DMXL1: variants seen among roughly 807,000 people sequenced by gnomAD.
DMXL1 encodes the protein dmX-like protein 1.
A neutral mutation model predicts 319.2 loss-of-function variants in DMXL1; 99 were observed. The ratio of observed to expected loss-of-function variants is 0.31; its 90% confidence interval spans 0.26 to 0.37. DMXL1 has a LOEUF of 0.37. Ranked by LOEUF, DMXL1 falls within the 10% of genes least tolerant of loss-of-function variation. The pLI, the probability that DMXL1 is intolerant of heterozygous loss-of-function variation, is 1.00. For missense variants in DMXL1, 3,745 were observed against 3,595.6 expected, an observed-to-expected ratio of 1.04 and a Z score of -1.06; for synonymous variants, 1,385 against 1,235.2, an observed-to-expected ratio of 1.12 and a Z score of -2.54.
intron 24 of DMXL1, 33 bp downstream of exon 24, chr5:119,171,313 C>T: frequency 6.5e-7 from 1 of 1,543,310 alleles, no homozygotes; most frequent in East Asian, 2.3e-5. Context: ...AAAAATGGTA[C>T]ATGTCTAAAA....
rs1756378035 is a variant in DMXL1, at chr5:119,097,995, G to A, written c.104G>A (p.Cys35Tyr). 4 of 1,604,986 alleles carry A rather than the reference G, an allele frequency of 2.5e-6. No homozygotes were observed. The highest frequency in any genetic ancestry group is 2.5e-6 in the Non-Finnish European group (3 of 1,177,180). The change falls in exon 2 of 44, where the codon TGT (cysteine) becomes TAT (tyrosine). Residue 35 changes from cysteine to tyrosine, a missense_variant. Transcript: ENST00000539542. The part of the protein sequence containing the change: ...DQRFTAYASG[C>Y]DIVILGSDFE... ...TTTTTTTAGGCTTATGCATCTGGATGTGACATTGTAATACTGGGAAGCGAT... is the reference window on the plus strand; with the variant it reads ...TTTTTTTAGGCTTATGCATCTGGATATGACATTGTAATACTGGGAAGCGAT...
rs1346753331 is a variant in DMXL1 at position 119,247,735 on chromosome 5, G to A, written c.*516G>A. On this transcript the variant is annotated 3_prime_UTR_variant, in exon 44 of 44. Transcript: ENST00000539542. ...TGTCATTGAGACGTCAGTGATAAAT[G>A]AGCTAGATGGCTCAATATGTAAGGT... 1 of 152,860 alleles carries A rather than the reference G, an allele frequency of 6.5e-6. No individual in the cohort carries two copies. Among genetic ancestry groups the A allele is most frequent in the East Asian group, 1.9e-4 (1 of 5,222 alleles). The allele number at this position is 152,860 out of a possible 1,614,324, so 9.5% of individuals were successfully genotyped here.
intron 35 of DMXL1, among the ~76,000 whole-genome samples, chr5:119,218,504 T>C (rs2150565222): frequency 6.6e-6 from 1 of 152,330 alleles, no homozygotes; most frequent in African/African-American, 2.4e-5. Flanking sequence ...TTGCCCAGGC[T>C]GGAGTGCAGT....
Position 119,161,049 on chromosome 5 carries a change from C to T in DMXL1, c.4703-3458C>T, listed in dbSNP as rs1405356784. Among the ~76,000 whole-genome samples, 6 of 152,136 alleles carry T rather than the reference C, an allele frequency of 3.9e-5. No homozygotes were observed. The East Asian group carries it at 9.6e-4, about 24-fold the overall frequency. On this transcript the variant is annotated intron_variant, in intron 19 of 43. Transcript: ENST00000539542. Reference sequence around the variant, plus strand: ...TGATTCCCTGATTCTTCACCATTCTCGTGTATTTGCTTTGGGGTCTGCTCA... The same window carrying T: ...TGATTCCCTGATTCTTCACCATTCTTGTGTATTTGCTTTGGGGTCTGCTCA...
chr5:119,104,027 G>C (rs1286569295), intron 3 of DMXL1: 4 of 152,202 alleles, frequency 2.6e-5, no homozygotes, highest in Non-Finnish European at 5.9e-5. Flanking sequence ...TGAAGTTATA[G>C]ACTTGAAAGA....
intron 3 of DMXL1, among the ~76,000 whole-genome samples, chr5:119,102,607 G>A (rs1156971944): frequency 1.3e-5 from 2 of 152,136 alleles, no homozygotes; most frequent in Non-Finnish European, 2.9e-5. Context: ...CATAAGGCCA[G>A]GAGTTTGAAA....
In DMXL1 at chr5:119,170,351, G is replaced by A; in HGVS notation, c.5560G>A (p.Glu1854Lys). ...ACTGGCAGGAACAATTAATTTAAGT[G>A]AAAGACGTTTATTTTTTACCACTGC... ...SGLAGTINLS[E>K]RRLFFTTASA... The change falls in exon 24 of 44, where the codon GAA becomes AAA. Residue 1854 changes from glutamate (E) to lysine (K), a missense_variant. By Grantham distance (56) the Glu-to-Lys change is moderately conservative. Coordinates refer to ENST00000539542, the MANE Select transcript of DMXL1 (RefSeq NM_001290321.3). The A allele has an allele frequency of 6.2e-7, 1 of 1,613,958 alleles. No individual in the cohort carries two copies. Among genetic ancestry groups the A allele is most frequent in the Non-Finnish European group, 8.5e-7 (1 of 1,179,946 alleles).
At chr5:119,081,181 C>T (rs1271767916) in intron 1 of DMXL1, among the ~76,000 whole-genome samples, 1 of 152,154 alleles carries the variant, frequency 6.6e-6, no homozygotes, top group Non-Finnish European at 1.5e-5. Flanking sequence ...GCTCCAAGGA[C>T]TAAGCTGTCT....
At chr5:119,157,634 T>G (rs1335962510) in intron 19 of DMXL1, among the ~76,000 whole-genome samples, 1 of 152,220 alleles carries the variant, frequency 6.6e-6, no homozygotes, top group Non-Finnish European at 1.5e-5. Context: ...TGAGTATAAA[T>G]GTATGGGTTG....
intron 5 of DMXL1, among the ~76,000 whole-genome samples, chr5:119,114,266 C>G (rs1357503314): frequency 6.6e-6 from 1 of 152,134 alleles, no homozygotes; most frequent in Non-Finnish European, 1.5e-5. Flanking sequence ...TTTGACAAGC[C>G]ATTCCTTCCA....
chr5:119,177,425 T>G lies in DMXL1; in HGVS notation c.6827T>G (p.Leu2276Trp), dbSNP rs761371988. 6.2e-7 allele frequency: 1 copy of G among 1,609,668 alleles called. No individual in the cohort carries two copies. The highest frequency in any genetic ancestry group is 8.5e-7 in the Non-Finnish European group (1 of 1,177,264). The change falls in exon 27 of 44, where the codon TTG (leucine) becomes TGG (tryptophan). Residue 2276 changes from leucine to tryptophan, a missense_variant. Leu to Trp is a moderately conservative substitution (Grantham distance 61, BLOSUM62 -2). Around this residue, in one of 4 missense-constraint regions of DMXL1, gnomAD observed 1,382 missense variants for 1,269.5 expected, o/e 1.09. Coordinates refer to ENST00000539542, the MANE Select transcript of DMXL1 (RefSeq NM_001290321.3). ...QTVLLPHRPS[L>W]KTGSLDEALT... ...GTACTGCTTCCTCATCGACCTTCTT[T>G]GAAAACAGGAAGCTTAGATGAAGCA...
chr5:119,179,307 A>C (rs1581180776), intron 28 of DMXL1, among the ~76,000 whole-genome samples: 1 of 30,982 alleles, frequency 3.2e-5, no homozygotes. Flanking sequence ...ATGTTTTTCC[A>C]AAAAAAAAAA....
At chr5:119,118,394 T>G (rs376198683) in intron 7 of DMXL1, among the ~76,000 whole-genome samples, 14 of 152,236 alleles carry the variant, frequency 9.2e-5, no homozygotes, top group East Asian at 7.7e-4. Context: ...TTATTTCTTA[T>G]GTGTCAACTG....
intron 38 of DMXL1, among the ~76,000 whole-genome samples, chr5:119,227,091 G>T (rs1785722034): frequency 6.6e-6 from 1 of 152,152 alleles, no homozygotes; most frequent in Non-Finnish European, 1.5e-5. Context: ...CTATCTGTGG[G>T]ACCCCATCTA....
At chr5:119,179,294 T>C (rs1383472646) in intron 28 of DMXL1, among the ~76,000 whole-genome samples, 1 of 129,506 alleles carries the variant, frequency 7.7e-6, no homozygotes, top group Admixed American at 8.5e-5. Context: ...TTGAAAATGT[T>C]AAATGTTTTT....
chr5:119,216,001 C>T (rs1055526815), intron 34 of DMXL1, among the ~76,000 whole-genome samples: 1 of 135,440 alleles, frequency 7.4e-6, no homozygotes, highest in African/African-American at 2.8e-5. Flanking sequence ...GAGTCTGGAG[C>T]AGGAGAATTG....
intron 32 of DMXL1, among the ~76,000 whole-genome samples, chr5:119,199,400 T>A (rs1780263716): frequency 6.6e-6 from 1 of 152,234 alleles, no homozygotes; most frequent in Non-Finnish European, 1.5e-5. Flanking sequence ...AAAGATGTGA[T>A]CTCATTCTTT....
chr5:119,103,064 C>G (rs1057456360), intron 3 of DMXL1, among the ~76,000 whole-genome samples: 5 of 150,670 alleles, frequency 3.3e-5, no homozygotes, highest in Non-Finnish European at 5.9e-5. Flanking sequence ...CAGGTACTCC[C>G]AAACCTAAAA....
At chr5:119,109,009 C>G (rs545199333) in intron 4 of DMXL1, among the ~76,000 whole-genome samples, 4 of 152,030 alleles carry the variant, frequency 2.6e-5, no homozygotes, top group Non-Finnish European at 4.4e-5. Context: ...CCATGTTGGT[C>G]AGGTTAATCT....
Sources: allele counts gnomAD v4.1 joint callset (sites outside exome capture counted in the v4.1 genomes callset), GRCh38; gene constraint gnomAD v4.1.1; regional missense constraint gnomAD v4.1.1; transcripts MANE v1.5; gene names NCBI Gene and HGNC (gene_info 2026-07-23, HGNC 2026-07-21).